Variants in SLIT2 observed in about 807,000 individuals in gnomAD.
SLIT2 encodes slit homolog 2 protein.
SLIT2 carries 41 observed loss-of-function variants against 185.7 expected under a neutral mutation model. The ratio of observed to expected loss-of-function variants is 0.22; its 90% CI spans 0.17 to 0.29. The LOEUF (loss-of-function observed/expected upper bound fraction) is 0.29, where lower values mean the gene tolerates loss of function less well. Among genes scored for constraint, SLIT2 ranks in the 10% least tolerant of loss-of-function variants. The pLI, the probability that SLIT2 is intolerant of heterozygous loss-of-function variation, is 1.00. For synonymous variants in SLIT2, 693 were observed against 680.2 expected, an observed-to-expected ratio of 1.02 and a Z score of -0.29; for missense variants, 1,571 against 1,909.0, an observed-to-expected ratio of 0.82 and a Z score of 3.30.
chr4:20,558,208 T>C (rs1368895354), intron 26 of SLIT2, among the ~76,000 whole-genome samples: 1 of 152,042 alleles, frequency 6.6e-6, no homozygotes, highest in Admixed American at 6.6e-5. Flanking sequence ...CTACTGTGGA[T>C]AAAAGGCTAT....
At chr4:20,478,748 C>G (rs1560460942) in intron 5 of SLIT2, among the ~76,000 whole-genome samples, 1 of 152,252 alleles carries the variant, frequency 6.6e-6, no homozygotes, top group African/African-American at 2.4e-5. Flanking sequence ...AGGGGTAACA[C>G]TTCATGCCAT....
chr4:20,528,885 A>G lies in SLIT2; in HGVS notation c.1463-64A>G. 8.8e-6 allele frequency: 12 copies of G among 1,357,642 alleles called. No homozygotes were observed. Among genetic ancestry groups the G allele is most frequent in the Admixed American group, 2.0e-5 (1 of 49,468 alleles). The allele number at this position is 1,357,642 out of a possible 1,614,324, so 84.1% of individuals were successfully genotyped here. On this transcript the variant is annotated intron_variant, in intron 15 of 36. Transcript: ENST00000504154. This position sits in a 1 kb window ranked among gnomAD's most constrained non-coding sequence, Gnocchi z 4.2. ...ATAGTTATCTTACTTTTTTCTTCCTACAAACTAATAAATTTTCTAACCTTT... is the reference window on the plus strand; with the variant it reads ...ATAGTTATCTTACTTTTTTCTTCCTGCAAACTAATAAATTTTCTAACCTTT...
At chr4:20,548,609 G>C (rs1245473798) in intron 23 of SLIT2, 50 bp downstream of exon 23, 1 of 1,080,726 alleles carries the variant, frequency 9.3e-7, no homozygotes, top group Admixed American at 1.7e-5. Context: ...ATGGACAAAA[G>C]GCAGTCTCTA....
intron 4 of SLIT2, among the ~76,000 whole-genome samples, chr4:20,390,516 T>C (rs997704740): frequency 7.9e-5 from 12 of 152,050 alleles, no homozygotes; most frequent in Non-Finnish European, 1.5e-4. Context: ...CTAAAACCAC[T>C]AGTAGTTTGA....
At chr4:20,451,817 G>A (rs554085619) in intron 4 of SLIT2, among the ~76,000 whole-genome samples, 5 of 152,260 alleles carry the variant, frequency 3.3e-5, no homozygotes, top group South Asian at 4.1e-4. Flanking sequence ...CATCTAAATC[G>A]AGTTTCAAGC....
chr4:20,515,982 A>AT (rs1252386340), intron 11 of SLIT2, among the ~76,000 whole-genome samples: 2 of 152,108 alleles, frequency 1.3e-5, no homozygotes, highest in East Asian at 1.9e-4. Flanking sequence ...CACTCGGCTA[A>AT]TTTTTTGTAT....
At position 20,550,745 on chromosome 4, in the gene SLIT2, A is replaced by G. The variant is rs1723667464; in HGVS notation, c.2490-82A>G. ...TCTGCACTCATTTAAAATGCTTATT[A>G]TAAACTAAAGTCTCGGAATTTCTCT... is the stretch of plus-strand genomic sequence containing the variant. On this transcript the variant is annotated intron_variant, in intron 24 of 36. Transcript: ENST00000504154. 6.2e-6 allele frequency: 5 copies of G among 807,300 alleles called. No individual in the cohort carries two copies. The South Asian group carries it at 8.2e-5, about 13-fold the overall frequency. The allele number at this position is 807,300 out of a possible 1,614,324, so 50.0% of individuals were successfully genotyped here. A position where few individuals can be genotyped will look rare whatever the true frequency, so the allele number is the denominator to read the frequency against.
chr4:20,354,904 TGTGAGAGAGAGAGA>T lies in SLIT2; in HGVS notation c.395+86025_395+86038del, dbSNP rs1322393662. On this transcript the variant is annotated intron_variant, in intron 4 of 36. Coordinates refer to ENST00000504154, the MANE Select transcript of SLIT2 (RefSeq NM_004787.4). ...AAGTCTGCGTGTGTGTGTGTGTGTG[TGTGAGAGAGAGAGA>T]GAGAGAGAGAGAGAGAGAGAGAGAG... Among the ~76,000 whole-genome samples, 4 of 63,340 alleles carry T rather than the reference TGTGAGAGAGAGAGA, an allele frequency of 6.3e-5. No individual in the cohort carries two copies. In the South Asian group the frequency reaches 1.9e-3, roughly 31 times the overall value. 41.6% of individuals were successfully genotyped at this position (63,340 alleles called of 152,430 possible). A position where few individuals can be genotyped will look rare whatever the true frequency, so the allele number is the denominator to read the frequency against.
At chr4:20,344,851 C>A (rs1273975951) in intron 4 of SLIT2, among the ~76,000 whole-genome samples, 1 of 152,102 alleles carries the variant, frequency 6.6e-6, no homozygotes, top group East Asian at 1.9e-4. Context: ...GTTATTTTTT[C>A]TGCACTTTTC....
Position 20,467,281 on chromosome 4 carries a change from T to A in SLIT2, c.396-471T>A, listed in dbSNP as rs186144687. The stretch of plus-strand genomic sequence containing the variant: ...TACTAGAAGTGCTATGAAAACTTAA[T>A]CATACTGTCCAGGTTTTATCAGTTT... On this transcript the variant is annotated intron_variant, in intron 4 of 36. Transcript: ENST00000504154. 1.1e-4 allele frequency among the ~76,000 whole-genome samples: 16 copies of A among 152,202 alleles called. No individual in the cohort carries two copies. The East Asian group carries it at 3.1e-3, about 29-fold the overall frequency.
Position 20,278,646 on chromosome 4 carries a change from C to A in SLIT2, c.395+9765C>A, listed in dbSNP as rs528544740. ...AAGACAAAACAAACAAAAACAAAAA[C>A]AAAAAAAACACAAAACATTGTCCAG... On this transcript the variant is annotated intron_variant, in intron 4 of 36. Coordinates refer to ENST00000504154, the MANE Select transcript of SLIT2 (RefSeq NM_004787.4). 1.5e-3 allele frequency among the ~76,000 whole-genome samples: 222 copies of A among 150,888 alleles called. 1 individual carries two copies. Among genetic ancestry groups the A allele is most frequent in the Non-Finnish European group, 2.6e-3 (177 of 67,728 alleles).
At chr4:20,473,718 AAAT>A (rs1715808251) in intron 5 of SLIT2, among the ~76,000 whole-genome samples, 1 of 151,944 alleles carries the variant, frequency 6.6e-6, no homozygotes. Context: ...TTCTCATTTC[AAAT>A]ATCTGTTTTC....
At chr4:20,322,408 G>A (rs998083463) in intron 4 of SLIT2, among the ~76,000 whole-genome samples, 3 of 152,144 alleles carry the variant, frequency 2.0e-5, no homozygotes, top group African/African-American at 4.8e-5. Flanking sequence ...GTGGGGAGGG[G>A]TCATCAAGGT....
chr4:20,595,570 G>T, intron 30 of SLIT2, 127 bp from the exon 31 acceptor site: 2 of 1,143,248 alleles, frequency 1.7e-6, no homozygotes, highest in South Asian at 2.9e-5. Flanking sequence ...ATCCATTAAT[G>T]TGGGGGCTCT....
intron 4 of SLIT2, among the ~76,000 whole-genome samples, chr4:20,374,021 CCAAT>C (rs1723806001): frequency 6.6e-6 from 1 of 152,044 alleles, no homozygotes; most frequent in Admixed American, 6.6e-5. Flanking sequence ...AGTGGCTAAA[CCAAT>C]ACAATTTAAA....
At chr4:20,610,829 G>C (rs1729151801) in intron 34 of SLIT2, among the ~76,000 whole-genome samples, 1 of 152,200 alleles carries the variant, frequency 6.6e-6, no homozygotes, top group Non-Finnish European at 1.5e-5. Flanking sequence ...GTTAGGACTT[G>C]AAATCATAGA....
chr4:20,540,765 T>A (rs1038835431), intron 19 of SLIT2, among the ~76,000 whole-genome samples: 1 of 152,202 alleles, frequency 6.6e-6, no homozygotes, highest in African/African-American at 2.4e-5. Context: ...TACTTAATCC[T>A]CTTTTTGCAT....
intron 4 of SLIT2, among the ~76,000 whole-genome samples, chr4:20,308,737 G>A (rs1717807634): frequency 6.6e-6 from 1 of 152,056 alleles, no homozygotes; most frequent in Non-Finnish European, 1.5e-5. Flanking sequence ...TTATAAAAAT[G>A]TTGGTAAAGC....
chr4:20,474,455 G>T (rs1047386727), intron 5 of SLIT2, among the ~76,000 whole-genome samples: 2 of 151,986 alleles, frequency 1.3e-5, no homozygotes, highest in African/African-American at 4.8e-5. Flanking sequence ...AGTGCTTTCA[G>T]CAGTTTTTCT....
Sources: allele counts gnomAD v4.1 joint callset (sites outside exome capture counted in the v4.1 genomes callset), GRCh38; gene constraint gnomAD v4.1.1; non-coding constraint Gnocchi (gnomAD v3.1); transcripts MANE v1.5; gene names NCBI Gene and HGNC (gene_info 2026-07-23, HGNC 2026-07-21).